Variants in RBPMS observed in about 807,000 individuals in gnomAD.
RBPMS encodes RNA binding protein, mRNA processing factor, also known as RNA-binding protein with multiple splicing.
RBPMS carries 7 observed loss-of-function variants against 26.8 expected under a neutral mutation model. The observed-to-expected ratio is 0.26, with a 90% CI of 0.15 to 0.49. RBPMS has a LOEUF of 0.49. Ranked by LOEUF, RBPMS falls within the 20% of genes least tolerant of loss-of-function variation. The probability of loss-of-function intolerance (pLI) is 0.98; values close to 1 mark genes in which losing one functional copy is unlikely to be tolerated. For synonymous variants in RBPMS, 96 were observed against 93.3 expected, an observed-to-expected ratio of 1.03 and a Z score of -0.17; for missense variants, 186 against 250.0, an observed-to-expected ratio of 0.74 and a Z score of 1.73.
intron 5 of RBPMS, among the ~76,000 whole-genome samples, chr8:30,531,944 C>T (rs190461326): frequency 6.6e-5 from 10 of 152,140 alleles, no homozygotes; most frequent in Non-Finnish European, 1.3e-4. Flanking sequence ...CAGAGTCTCC[C>T]AAGGTACTTA....
intron 4 of RBPMS, among the ~76,000 whole-genome samples, chr8:30,488,593 G>C (rs920768838): frequency 6.6e-6 from 1 of 152,148 alleles, no homozygotes; most frequent in African/African-American, 2.4e-5. Flanking sequence ...GATGACCCTA[G>C]GTAACTCTAG....
chr8:30,524,345 A>C (rs765937801), intron 5 of RBPMS, among the ~76,000 whole-genome samples: 1 of 152,196 alleles, frequency 6.6e-6, no homozygotes, highest in African/African-American at 2.4e-5. Flanking sequence ...TGCTGTATGA[A>C]GATTATACCA....
At chr8:30,391,947 A>T (rs1807837753) in intron 1 of RBPMS, among the ~76,000 whole-genome samples, 1 of 151,968 alleles carries the variant, frequency 6.6e-6, no homozygotes, top group Non-Finnish European at 1.5e-5. Context: ...TGCCAAGCTG[A>T]TGAAGGGATT....
At chr8:30,463,156 A>T (rs1816127212) in intron 1 of RBPMS, among the ~76,000 whole-genome samples, 1 of 152,194 alleles carries the variant, frequency 6.6e-6, no homozygotes, top group African/African-American at 2.4e-5. Context: ...ATAATAGATA[A>T]CATTTTTCTG....
chr8:30,387,324 G>A (rs540186771), intron 1 of RBPMS: 2 of 152,186 alleles, frequency 1.3e-5, no homozygotes, highest in African/African-American at 2.4e-5. Flanking sequence ...GAATGATCCA[G>A]GTAATTTTGC....
At chr8:30,528,506 G>A (rs1016223998) in intron 5 of RBPMS, among the ~76,000 whole-genome samples, 3 of 152,184 alleles carry the variant, frequency 2.0e-5, no homozygotes, top group African/African-American at 7.2e-5. Flanking sequence ...TCTGGGAACT[G>A]GTGAAACCTG....
intron 1 of RBPMS, among the ~76,000 whole-genome samples, chr8:30,436,779 A>T (rs145589409): frequency 6.6e-6 from 1 of 152,182 alleles, no homozygotes; most frequent in African/African-American, 2.4e-5. Flanking sequence ...TTTTAAAAAG[A>T]ATTCGTTGTG....
intron 6 of RBPMS, among the ~76,000 whole-genome samples, chr8:30,547,035 G>C (rs1224176726): frequency 6.6e-6 from 1 of 152,190 alleles, no homozygotes; most frequent in Non-Finnish European, 1.5e-5. Context: ...TCTCTAAGTA[G>C]ATGGGAAGCC....
chr8:30,420,499 A>C (rs1028951897), intron 1 of RBPMS, among the ~76,000 whole-genome samples: 1 of 152,176 alleles, frequency 6.6e-6, no homozygotes, highest in African/African-American at 2.4e-5. Context: ...GTTAAAAGAG[A>C]CAAATCACCA....
intron 5 of RBPMS, among the ~76,000 whole-genome samples, chr8:30,518,687 C>CTTTTTTTTT (rs58763494): frequency 0.061 from 1,108 of 18,222 alleles, 419 homozygotes; most frequent in Middle Eastern, 0.2. Flanking sequence ...CCAAGCATGA[C>CTTTTTTTTT]TTTTTTTTTT....
intron 1 of RBPMS, among the ~76,000 whole-genome samples, chr8:30,428,784 T>C (rs913527096): frequency 6.6e-6 from 1 of 152,144 alleles, no homozygotes; most frequent in East Asian, 1.9e-4. Context: ...TAAGGCTTTT[T>C]TTTTTTAAGG....
At chr8:30,456,877 C>T (rs539174259) in intron 1 of RBPMS, among the ~76,000 whole-genome samples, 1 of 152,358 alleles carries the variant, frequency 6.6e-6, no homozygotes, top group South Asian at 2.1e-4. Flanking sequence ...GCCGAGATCA[C>T]GCCACTGTAC....
In RBPMS at chr8:30,544,751, A is replaced by G. The variant is rs969258024; in HGVS notation, c.528+127A>G. Reference sequence around the variant, plus strand: ...CAGATCCACCCTCAAGAGATTAATGATCCCCTCTAAATCAAGCTGACACTC... The same window carrying G: ...CAGATCCACCCTCAAGAGATTAATGGTCCCCTCTAAATCAAGCTGACACTC... On this transcript the variant is annotated intron_variant, in intron 6 of 8. Transcript: ENST00000397323. 1.2e-5 allele frequency: 19 copies of G among 1,599,322 alleles called. No homozygotes were observed. The Admixed American group carries it at 1.8e-4, about 15-fold the overall frequency.
At chr8:30,486,354 A>G (rs1438925397) in intron 4 of RBPMS, among the ~76,000 whole-genome samples, 1 of 126,684 alleles carries the variant, frequency 7.9e-6, no homozygotes, top group Non-Finnish European at 1.8e-5. Context: ...AAATAAATAA[A>G]TAAATAACAT....
At chr8:30,487,037 T>C (rs117173570) in intron 4 of RBPMS, among the ~76,000 whole-genome samples, 1,733 of 152,304 alleles carry the variant, frequency 0.011, 18 homozygotes, top group Non-Finnish European at 0.019. Flanking sequence ...TAAATGTAAA[T>C]AGAAAATATA....
intron 1 of RBPMS, among the ~76,000 whole-genome samples, chr8:30,410,480 C>T (rs549778709): frequency 1.1e-4 from 17 of 152,032 alleles, no homozygotes; most frequent in Admixed American, 2.6e-4. Context: ...AGTGCCGGGA[C>T]TACAGACAAG....
At chr8:30,467,954 A>G (rs1202322433) in intron 1 of RBPMS, among the ~76,000 whole-genome samples, 2 of 151,958 alleles carry the variant, frequency 1.3e-5, no homozygotes, top group African/African-American at 2.4e-5. Context: ...CTATTAACAT[A>G]TAGATAATTT....
At chr8:30,530,236 T>G (rs1824066665) in intron 5 of RBPMS, among the ~76,000 whole-genome samples, 1 of 152,092 alleles carries the variant, frequency 6.6e-6, no homozygotes, top group Non-Finnish European at 1.5e-5. Flanking sequence ...CAGGATGAGA[T>G]CTCCTGATTT....
chr8:30,439,374 C>T (rs992603529), intron 1 of RBPMS, among the ~76,000 whole-genome samples: 1 of 152,062 alleles, frequency 6.6e-6, no homozygotes, highest in Non-Finnish European at 1.5e-5. Flanking sequence ...GGGCAATTTC[C>T]AAGAAGTACA....
Sources: gnomAD v4.1 joint callset for allele counts (sites outside exome capture counted in the v4.1 genomes callset) on GRCh38, gnomAD v4.1.1 for gene constraint, MANE v1.5 for transcripts, NCBI Gene and HGNC (gene_info 2026-07-23, HGNC 2026-07-21) for gene names.